The following KIRREL3 variants were observed in gnomAD, a reference collection of about 807,000 sequenced individuals.
KIRREL3 encodes the protein kirre like nephrin family adhesion molecule 3.
Under a neutral mutation model 89.7 loss-of-function variants are expected in KIRREL3, and 36 were observed. That is an observed-to-expected ratio of 0.40 (90% confidence interval 0.31 to 0.53). KIRREL3 has a LOEUF of 0.53. Among genes scored for constraint, KIRREL3 ranks in the 20% least tolerant of loss-of-function variants. The pLI, the probability that KIRREL3 is intolerant of heterozygous loss-of-function variation, is 0.49. For synonymous variants in KIRREL3, 445 were observed against 441.4 expected, an observed-to-expected ratio of 1.01 and a Z score of -0.10; for missense variants, 864 against 1,056.6, an observed-to-expected ratio of 0.82 and a Z score of 2.53.
chr11:126,454,481 C>T lies in KIRREL3; in HGVS notation c.848+1868G>A, dbSNP rs1001639781. On this transcript the variant is annotated intron_variant, in intron 7 of 16. Coordinates refer to ENST00000525144, the MANE Select transcript of KIRREL3 (RefSeq NM_032531.4). The surrounding 1 kb of genome is among the most constrained non-coding windows in gnomAD (Gnocchi z 5.8). ...TGTGAGGGTGAATAGGGGTGCTTGC[C>T]GGGTGGTCTGTGGGTGTGAAGGGCT... Among the ~76,000 whole-genome samples, 12 of 152,078 alleles carry T rather than the reference C, an allele frequency of 7.9e-5. No homozygotes were observed. Among genetic ancestry groups the T allele is most frequent in the African/African-American group, 2.9e-4 (12 of 41,400 alleles).
chr11:126,442,887 CG>C (rs1441026404), intron 10 of KIRREL3, among the ~76,000 whole-genome samples: 2 of 152,180 alleles, frequency 1.3e-5, no homozygotes, highest in Non-Finnish European at 2.9e-5. Flanking sequence ...CTGGAAGCCT[CG>C]GGGAGCTTGT....
chr11:126,868,725 T>C (rs1469579394), intron 1 of KIRREL3, among the ~76,000 whole-genome samples: 1 of 152,138 alleles, frequency 6.6e-6, no homozygotes, highest in African/African-American at 2.4e-5. Context: ...CATTCAACTC[T>C]ACTGGCAGTC....
intron 10 of KIRREL3, among the ~76,000 whole-genome samples, chr11:126,442,171 G>A (rs1955591344): frequency 6.7e-6 from 1 of 148,204 alleles, no homozygotes; most frequent in Admixed American, 6.8e-5. Context: ...TGAGGCAGGA[G>A]AATTGCTTGA....
In KIRREL3 at chr11:126,946,675, G is replaced by T. The variant is rs1948627856; in HGVS notation, c.55+53780C>A. On this transcript the variant is annotated intron_variant, in intron 1 of 16. Transcript: ENST00000525144. This position sits in a 1 kb window ranked among gnomAD's most constrained non-coding sequence, Gnocchi z 4.1. ...TACTTCATAATAAGATTAAATGGCT[G>T]CAAAAAATTCAATGCTTGGATATCC... is the stretch of plus-strand genomic sequence containing the variant. Among the ~76,000 whole-genome samples, 1 of 152,154 alleles carries T rather than the reference G, an allele frequency of 6.6e-6. No homozygotes were observed. Among genetic ancestry groups the T allele is most frequent in the Non-Finnish European group, 1.5e-5 (1 of 68,026 alleles).
chr11:126,446,822 G>A lies in KIRREL3; in HGVS notation c.1062C>T (p.Phe354=). The A allele has an allele frequency of 6.2e-7, 1 of 1,602,444 alleles. No individual in the cohort carries two copies. The highest frequency in any genetic ancestry group is 8.5e-7 in the Non-Finnish European group (1 of 1,174,696). ...LLVDLGSDAI[F]SCAWTGNPSL... ...ATGGGTTGCCGGTCCAGGCGCAGCT[G>A]AAGATGGCATCAGAGCCCAGATCCA... The change falls in exon 9 of 17, where the codon TTC becomes TTT. Residue 354 remains phenylalanine (F), a synonymous_variant. Coordinates refer to ENST00000525144, the MANE Select transcript of KIRREL3 (RefSeq NM_032531.4).
At chr11:126,899,819 C>T (rs1946301902) in intron 1 of KIRREL3, among the ~76,000 whole-genome samples, 1 of 152,168 alleles carries the variant, frequency 6.6e-6, no homozygotes, top group South Asian at 2.1e-4. Context: ...ACAAGTAATC[C>T]TCAAACCTGG....
At position 126,451,296 on chromosome 11, in the gene KIRREL3, G is replaced by T. The variant is rs368781075; in HGVS notation, c.849-2139C>A. On this transcript the variant is annotated intron_variant, in intron 7 of 16. Transcript: ENST00000525144. ...CGTGTGCATGTGTGCGTGTGTGCAT[G>T]TGTGCATGTGTGTGCATGTGGTTGT... Among the ~76,000 whole-genome samples the T allele has an allele frequency of 4.2e-5, 6 of 143,890 alleles. No individual in the cohort carries two copies. In the East Asian group the frequency reaches 1.3e-3, roughly 31 times the overall value. 94.4% of individuals were successfully genotyped at this position (143,890 alleles called of 152,430 possible). A position where few individuals can be genotyped will look rare whatever the true frequency, so the allele number is the denominator to read the frequency against.
rs950983002 is a variant in KIRREL3 at position 126,440,429 on chromosome 11, G to T, written c.1353+20C>A. 1.3e-6 allele frequency: 2 copies of T among 1,550,658 alleles called. No homozygotes were observed. Among genetic ancestry groups the T allele is most frequent in the East Asian group, 2.4e-5 (1 of 41,152 alleles). ...TGGGCTGCTGGCCCGGCCCCCGCCCGCCGTCCCTGGAGCACTCACGATGCG... is the reference window on the plus strand; with the variant it reads ...TGGGCTGCTGGCCCGGCCCCCGCCCTCCGTCCCTGGAGCACTCACGATGCG... On this transcript the variant is annotated intron_variant, in intron 11 of 16. Coordinates refer to ENST00000525144, the MANE Select transcript of KIRREL3 (RefSeq NM_032531.4).
chr11:126,956,614 T>C (rs958998098), intron 1 of KIRREL3, among the ~76,000 whole-genome samples: 7 of 152,112 alleles, frequency 4.6e-5, no homozygotes, highest in African/African-American at 1.7e-4. Flanking sequence ...GGGGTGGTAG[T>C]CGGGGTGGAT....
chr11:126,619,754 C>T (rs1374441002), intron 1 of KIRREL3, among the ~76,000 whole-genome samples: 1 of 152,186 alleles, frequency 6.6e-6, no homozygotes, highest in Admixed American at 6.5e-5. Flanking sequence ...TCCCATTGTT[C>T]CTAAAGATAG....
Position 126,501,325 on chromosome 11 carries a change from T to C in KIRREL3, c.433+19990A>G, listed in dbSNP as rs541609690. Among the ~76,000 whole-genome samples, 4 of 152,290 alleles carry C rather than the reference T, an allele frequency of 2.6e-5. No individual in the cohort carries two copies. Among genetic ancestry groups the C allele is most frequent in the African/African-American group, 9.6e-5 (4 of 41,556 alleles). ...TTCTAAAGCCTATTCATTTCCTCCA[T>C]GTTCACATCTTTAAGAGGGGAAGAC... On this transcript the variant is annotated intron_variant, in intron 4 of 16. Coordinates refer to ENST00000525144, the MANE Select transcript of KIRREL3 (RefSeq NM_032531.4). The surrounding 1 kb of genome is among the most constrained non-coding windows in gnomAD (Gnocchi z 5.8).
chr11:126,828,646 C>A (rs957540158), intron 1 of KIRREL3, among the ~76,000 whole-genome samples: 5 of 152,140 alleles, frequency 3.3e-5, no homozygotes, highest in Non-Finnish European at 5.9e-5. Context: ...CTTAGGTCTG[C>A]ATCCCTGTCC....
At chr11:126,588,386 T>G (rs935506822) in intron 1 of KIRREL3, among the ~76,000 whole-genome samples, 10 of 134,572 alleles carry the variant, frequency 7.4e-5, no homozygotes, top group Non-Finnish European at 1.6e-5. Context: ...ATGTTAATAG[T>G]GCTTTGCAAA....
intron 1 of KIRREL3, among the ~76,000 whole-genome samples, chr11:126,852,871 T>A (rs1386481043): frequency 1.3e-5 from 2 of 152,182 alleles, no homozygotes; most frequent in Non-Finnish European, 2.9e-5. Flanking sequence ...GAGCAGAGGC[T>A]GCACCATCCT....
chr11:126,548,144 G>A (rs1291627391), intron 2 of KIRREL3, among the ~76,000 whole-genome samples: 1 of 152,086 alleles, frequency 6.6e-6, no homozygotes, highest in Non-Finnish European at 1.5e-5. Context: ...TCCTCCACGA[G>A]CCTGTCATCT....
chr11:126,585,280 C>T (rs1464292767), intron 1 of KIRREL3, among the ~76,000 whole-genome samples: 1 of 122,754 alleles, frequency 8.1e-6, no homozygotes, highest in Admixed American at 1.0e-4. Context: ...GGCTGGGGTG[C>T]AATGGTGCAA....
chr11:126,440,947 TGAAG>T, intron 10 of KIRREL3: 1 of 227,666 alleles, frequency 4.4e-6, no homozygotes. Context: ...GGTGTCTAGA[TGAAG>T]GAAGACTCCC....
chr11:126,938,686 G>A (rs1039754373), intron 1 of KIRREL3, among the ~76,000 whole-genome samples: 3 of 152,162 alleles, frequency 2.0e-5, no homozygotes, highest in Non-Finnish European at 4.4e-5. Context: ...TGTTCCAACT[G>A]TCATACTCTA....
At chr11:126,855,126 C>A (rs1447966231) in intron 1 of KIRREL3, among the ~76,000 whole-genome samples, 1 of 152,222 alleles carries the variant, frequency 6.6e-6, no homozygotes, top group Admixed American at 6.5e-5. Flanking sequence ...GTCAGAGAAA[C>A]TGCTCTTAGC....
Sources: gnomAD v4.1 joint callset for allele counts (sites outside exome capture counted in the v4.1 genomes callset) on GRCh38, gnomAD v4.1.1 for gene constraint, Gnocchi (gnomAD v3.1) non-coding constraint, MANE v1.5 for transcripts, NCBI Gene and HGNC (gene_info 2026-07-23, HGNC 2026-07-21) for gene names.